LHX8: variants seen among roughly 807,000 people sequenced by gnomAD.
The protein encoded by LHX8 is LIM homeobox 8, also known as LIM/homeobox protein Lhx8.
LHX8 carries 12 observed loss-of-function variants against 40.3 expected under a neutral mutation model. That is an observed-to-expected ratio of 0.30 (90% CI 0.19 to 0.48). The LOEUF is 0.48. Ranked by LOEUF, LHX8 falls within the 20% of genes least tolerant of loss-of-function variation. The pLI is 0.99. For missense variants in LHX8, 344 were observed against 433.7 expected (o/e 0.79, Z 1.84); for synonymous variants, 179 against 162.0 (o/e 1.10, Z -0.80).
chr1:75,171,915 C>A, the LHX8 span, among the ~76,000 whole-genome samples: 886 of 152,288 alleles, frequency 5.8e-3, 8 homozygotes, highest in African/African-American at 0.02. Flanking sequence ...AGCTCCTATA[C>A]TGAATGCTTA....
the LHX8 span, among the ~76,000 whole-genome samples, chr1:75,186,356 T>C: frequency 1.3e-5 from 2 of 152,012 alleles, no homozygotes; most frequent in Non-Finnish European, 2.9e-5. Context: ...CATAGACCAA[T>C]GGAACAATAG....
At chr1:75,191,843 A>G in the LHX8 span, among the ~76,000 whole-genome samples, 8 of 152,236 alleles carry the variant, frequency 5.3e-5, no homozygotes, top group Admixed American at 2.6e-4. Flanking sequence ...AAGAGGATAT[A>G]GACCAAAGCA....
At chr1:75,157,792 C>G (rs145153002) in intron 8 of LHX8, among the ~76,000 whole-genome samples, 28 of 152,270 alleles carry the variant, frequency 1.8e-4, no homozygotes, top group African/African-American at 6.7e-4. Context: ...TAGGAATATA[C>G]CACAATTTAT....
the LHX8 span, among the ~76,000 whole-genome samples, chr1:75,186,410 T>C: frequency 1.3e-5 from 2 of 152,144 alleles, no homozygotes; most frequent in Admixed American, 1.3e-4. Context: ...ATCTGATCTC[T>C]GACAAAGCTG....
At chr1:75,157,170 A>C (rs1648793030) in intron 8 of LHX8, 94 bp downstream of exon 8, 1 of 1,376,308 alleles carries the variant, frequency 7.3e-7, no homozygotes, top group Non-Finnish European at 1.0e-6. Flanking sequence ...ATTTTGAAAT[A>C]TTACCTCAGT....
In LHX8 at chr1:75,134,535, G is replaced by A. The variant is rs908519421; in HGVS notation, c.-432G>A. On this transcript the variant is annotated 5_prime_UTR_variant, in exon 1 of 9. Coordinates refer to ENST00000356261, the MANE Select transcript of LHX8 (RefSeq NM_001256114.2). ...CGGCATCAGCTTTTATTAGTGGATC[G>A]GGGCGGGGGAGGGGGGAGATCGGCA... Among the ~76,000 whole-genome samples the A allele has an allele frequency of 5.3e-5, 8 of 151,904 alleles. No individual in the cohort carries two copies. The highest frequency in any genetic ancestry group is 1.2e-4 in the Non-Finnish European group (8 of 67,992).
At chr1:75,146,520 G>A (rs979036904) in intron 6 of LHX8, among the ~76,000 whole-genome samples, 2 of 152,088 alleles carry the variant, frequency 1.3e-5, no homozygotes, top group African/African-American at 4.8e-5. Flanking sequence ...TTTTCAGATC[G>A]AGTTACTGCT....
downstream of LHX8, among the ~76,000 whole-genome samples, chr1:75,164,961 C>T (rs990992813): frequency 2.6e-5 from 4 of 152,166 alleles, no homozygotes; most frequent in African/African-American, 9.7e-5. Context: ...GCATGAGCCA[C>T]TACGTCCAGC....
chr1:75,141,129 A>G, intron 4 of LHX8, 23 bp downstream of exon 4: 2 of 1,610,296 alleles, frequency 1.2e-6, no homozygotes, highest in Non-Finnish European at 1.7e-6. Flanking sequence ...GCTTTTTCTT[A>G]GTAGATACTT....
At chr1:75,159,093 C>T (rs1648846351) in intron 8 of LHX8, among the ~76,000 whole-genome samples, 1 of 152,002 alleles carries the variant, frequency 6.6e-6, no homozygotes, top group Non-Finnish European at 1.5e-5. Flanking sequence ...TCTTTTGATT[C>T]AGTTGTAAGT....
At chr1:75,142,519 C>G (rs1417245498) in intron 4 of LHX8, among the ~76,000 whole-genome samples, 1 of 152,166 alleles carries the variant, frequency 6.6e-6, no homozygotes, top group East Asian at 1.9e-4. Flanking sequence ...GATAACAATA[C>G]AATAGCTTTT....
the LHX8 span, among the ~76,000 whole-genome samples, chr1:75,168,521 C>G: frequency 6.6e-6 from 1 of 152,194 alleles, no homozygotes; most frequent in Admixed American, 6.5e-5. Context: ...GCCACTGCAC[C>G]TGGCCTGGTC....
the LHX8 span, among the ~76,000 whole-genome samples, chr1:75,196,853 A>G: frequency 6.6e-6 from 1 of 152,174 alleles, no homozygotes; most frequent in African/African-American, 2.4e-5. Context: ...CACACGCTGC[A>G]GGCATAGTCC....
At chr1:75,144,903 T>C (rs1648420171) in intron 6 of LHX8, among the ~76,000 whole-genome samples, 1 of 152,156 alleles carries the variant, frequency 6.6e-6, no homozygotes, top group African/African-American at 2.4e-5. Flanking sequence ...CCTGCCAGTA[T>C]TTAAGATGGA....
the LHX8 span, among the ~76,000 whole-genome samples, chr1:75,175,687 A>G: frequency 3.3e-5 from 5 of 151,542 alleles, no homozygotes; most frequent in Non-Finnish European, 5.9e-5. Context: ...ATTTTTTATT[A>G]TACTTTAAGT....
the LHX8 span, among the ~76,000 whole-genome samples, chr1:75,169,968 G>A: frequency 6.6e-6 from 1 of 152,192 alleles, no homozygotes; most frequent in African/African-American, 2.4e-5. Flanking sequence ...GAACACTCTA[G>A]GAGCCTGCCA....
chr1:75,174,512 C>T, the LHX8 span, among the ~76,000 whole-genome samples: 3 of 152,184 alleles, frequency 2.0e-5, no homozygotes, highest in Admixed American at 2.0e-4. Context: ...TGTGTGTGGA[C>T]ACACATGCAT....
chr1:75,168,190 G>T, the LHX8 span, among the ~76,000 whole-genome samples: 1 of 152,294 alleles, frequency 6.6e-6, no homozygotes, highest in East Asian at 1.9e-4. Flanking sequence ...AAGTGGGCCA[G>T]AATGGTCGGA....
chr1:75,151,129 G>A (rs1202497797), intron 7 of LHX8, among the ~76,000 whole-genome samples: 1 of 152,102 alleles, frequency 6.6e-6, no homozygotes, highest in Non-Finnish European at 1.5e-5. Flanking sequence ...TTGATACATG[G>A]GTACTTATTC....
Sources: allele counts gnomAD v4.1 joint callset (sites outside exome capture counted in the v4.1 genomes callset), GRCh38; gene constraint gnomAD v4.1.1; transcripts MANE v1.5; gene names NCBI Gene and HGNC (gene_info 2026-07-23, HGNC 2026-07-21).